Variants in SYT3 observed in about 807,000 individuals in gnomAD.
SYT3 encodes synaptotagmin-3.
In SYT3, 25 loss-of-function variants were observed where a neutral mutation model predicts 50.6. The ratio of observed to expected loss-of-function variants is 0.49; its 90% CI spans 0.36 to 0.69. The LOEUF is 0.69. SYT3 is among the 30% of genes least tolerant of loss of function. SYT3 has a pLI of 0.00. For synonymous variants in SYT3, 323 were observed against 353.9 expected, an observed-to-expected ratio of 0.91 and a Z score of 0.98; for missense variants, 589 against 793.6, an observed-to-expected ratio of 0.74 and a Z score of 3.10.
the SYT3 span, among the ~76,000 whole-genome samples, chr19:50,651,021 T>C: frequency 6.6e-6 from 1 of 152,256 alleles, no homozygotes; most frequent in Admixed American, 6.5e-5. Flanking sequence ...TTTGCAGCGT[T>C]GTGGAACCAA....
chr19:50,630,588 A>G (rs1984267604), intron 4 of SYT3, among the ~76,000 whole-genome samples: 1 of 151,932 alleles, frequency 6.6e-6, no homozygotes, highest in South Asian at 2.1e-4. Flanking sequence ...ATATCCGGCT[A>G]ATTTTTATAT....
At position 50,632,007 on chromosome 19, in the gene SYT3, T is replaced by G. The variant is rs1984323566; in HGVS notation, c.674+279A>C. On this transcript the variant is annotated intron_variant, in intron 4 of 10. Transcript: ENST00000600079. This position sits in a 1 kb window ranked among gnomAD's most constrained non-coding sequence, Gnocchi z 4.7. ...GGATCCAACCTTATTCTCCTCTACT[T>G]TCCTGTCCTAAGTCCTGCCCCCAGT... is the stretch of plus-strand genomic sequence containing the variant. 6.6e-6 allele frequency among the ~76,000 whole-genome samples: 1 copy of G among 151,984 alleles called. No individual in the cohort carries two copies. The highest frequency in any genetic ancestry group is 1.5e-5 in the Non-Finnish European group (1 of 67,964).
Position 50,625,676 on chromosome 19 carries a change from G to A in SYT3, c.1403-112C>T. 7.1e-7 allele frequency: 1 copy of A among 1,415,780 alleles called. No homozygotes were observed. The highest frequency in any genetic ancestry group is 9.4e-7 in the Non-Finnish European group (1 of 1,066,712). The allele number at this position is 1,415,780 out of a possible 1,614,324, so 87.7% of individuals were successfully genotyped here. A position where few individuals can be genotyped will look rare whatever the true frequency, so the allele number is the denominator to read the frequency against. On this transcript the variant is annotated intron_variant, in intron 7 of 10. Transcript: ENST00000600079. This position sits in a 1 kb window ranked among gnomAD's most constrained non-coding sequence, Gnocchi z 7.5. ...CAGACCCAGAGGTCCGGGGCCCCAG[G>A]CCCCCAGTCCCTCCTTCCTCAGGCC...
In SYT3 at chr19:50,637,227, A is replaced by G; in HGVS notation, c.148+37T>C. The G allele has an allele frequency of 2.5e-6, 4 of 1,602,494 alleles. No individual in the cohort carries two copies. Among genetic ancestry groups the G allele is most frequent in the Non-Finnish European group, 3.4e-6 (4 of 1,172,094 alleles). ...GCTCCGAGTCTCCTGGCCATAGTGC[A>G]AGCAGGGGGCTGGCCAAGACAGGCA... On this transcript the variant is annotated intron_variant, in intron 3 of 10. Coordinates refer to ENST00000600079, the MANE Select transcript of SYT3 (RefSeq NM_001160329.2). This position sits in a 1 kb window ranked among gnomAD's most constrained non-coding sequence, Gnocchi z 4.9.
rs201091203 is a variant in SYT3, at chr19:50,625,961, C to A, written c.1338G>T (p.Gly446=). 1.2e-6 allele frequency: 2 copies of A among 1,614,156 alleles called. No homozygotes were observed. The highest frequency in any genetic ancestry group is 1.7e-5 in the Admixed American group (1 of 60,030). Residue 446 remains glycine, a synonymous_variant, in exon 7 of 11, where the codon GGG becomes GGT. Transcript: ENST00000600079. The surrounding 1 kb of genome is among the most constrained non-coding windows in gnomAD (Gnocchi z 7.5). The part of the protein sequence containing the change: ...NFSLCYLPTA[G]RLTVTIIKAS... ...CTTTGATGATGGTCACGGTGAGGCGCCCGGCCGTGGGGAGGTAGCAGAGTG... is the reference window on the plus strand; with the variant it reads ...CTTTGATGATGGTCACGGTGAGGCGACCGGCCGTGGGGAGGTAGCAGAGTG...
rs1194580799 is a variant in SYT3 at position 50,639,287 on chromosome 19, G to A, written c.-153-125C>T. On this transcript the variant is annotated intron_variant, in intron 1 of 10. Coordinates refer to ENST00000600079, the MANE Select transcript of SYT3 (RefSeq NM_001160329.2). This position sits in a 1 kb window ranked among gnomAD's most constrained non-coding sequence, Gnocchi z 4.6. Reference sequence around the variant, plus strand: ...TCCCACCTCCGGGCCCCCAGCTCCCGTTGAGGGCTTAGAGACTACAATTCC... The same window carrying A: ...TCCCACCTCCGGGCCCCCAGCTCCCATTGAGGGCTTAGAGACTACAATTCC... 3 of 152,168 alleles carry A rather than the reference G, an allele frequency of 2.0e-5. No individual in the cohort carries two copies. Among genetic ancestry groups the A allele is most frequent in the East Asian group, 1.9e-4 (1 of 5,174 alleles). The allele number at this position is 152,168 out of a possible 1,614,324, so 9.4% of individuals were successfully genotyped here. A position where few individuals can be genotyped will look rare whatever the true frequency, so the allele number is the denominator to read the frequency against.
At chr19:50,648,401 A>AAAGAGG in the SYT3 span, among the ~76,000 whole-genome samples, 1 of 152,244 alleles carries the variant, frequency 6.6e-6, no homozygotes, top group South Asian at 2.1e-4. Context: ...GGATGTGGAG[A>AAAGAGG]AAGAGGAAGA....
chr19:50,629,335 G>C lies in SYT3; in HGVS notation c.1240C>G (p.Pro414Ala). 6.2e-7 allele frequency: 1 copy of C among 1,612,902 alleles called. No individual in the cohort carries two copies. Among genetic ancestry groups the C allele is most frequent in the South Asian group, 1.1e-5 (1 of 90,868 alleles). The change falls in exon 6 of 11, where the codon CCT (proline) becomes GCT (alanine). Residue 414 changes from proline to alanine, a missense_variant. Pro to Ala is a conservative substitution (Grantham distance 27). This residue lies in a region of SYT3 where 273 missense variants were observed against 439.3 expected (regional missense o/e 0.62). Coordinates refer to ENST00000600079, the MANE Select transcript of SYT3 (RefSeq NM_001160329.2). ...DNLLELAEQP[P>A]DRPLWRDIVE... ...ATGTCCCTCCAGAGCGGGCGGTCAG[G>C]GGGCTGCTCGGCCAGCTCCAGGAGG... is the stretch of plus-strand genomic sequence containing the variant.
chr19:50,626,874 A>C (rs930930634), intron 6 of SYT3, among the ~76,000 whole-genome samples: 5 of 151,804 alleles, frequency 3.3e-5, no homozygotes, highest in African/African-American at 1.2e-4. Flanking sequence ...AGTTACCTAG[A>C]ATTAGAGTGG....
At chr19:50,627,342 C>T (rs10409194) in intron 6 of SYT3, among the ~76,000 whole-genome samples, 98,114 of 152,064 alleles carry the variant, frequency 0.65, 33,327 homozygotes, top group Non-Finnish European at 0.75. Context: ...TGGCCCCTGA[C>T]ACAAGGCCCG....
chr19:50,635,973 C>T (rs1984483336), intron 3 of SYT3, among the ~76,000 whole-genome samples: 1 of 152,292 alleles, frequency 6.6e-6, no homozygotes, highest in East Asian at 1.9e-4. Context: ...CAGTTTCCAG[C>T]CAGGCGTGGT....
At chr19:50,636,701 T>C (rs1381064218) in intron 3 of SYT3, among the ~76,000 whole-genome samples, 1 of 152,190 alleles carries the variant, frequency 6.6e-6, no homozygotes, top group Non-Finnish European at 1.5e-5. Flanking sequence ...GATTATATGT[T>C]CCACAAAGGG....
At chr19:50,654,047 T>A in the SYT3 span, among the ~76,000 whole-genome samples, 2 of 152,068 alleles carry the variant, frequency 1.3e-5, no homozygotes, top group Non-Finnish European at 2.9e-5. Flanking sequence ...GGTGGTCTTG[T>A]TTTTGTCTCA....
the SYT3 span, among the ~76,000 whole-genome samples, chr19:50,653,725 C>T: frequency 4.0e-5 from 6 of 148,338 alleles, no homozygotes; most frequent in Admixed American, 3.3e-4. Context: ...CACACACACA[C>T]ACACACACAC....
chr19:50,645,856 G>A, the SYT3 span, among the ~76,000 whole-genome samples: 1 of 151,942 alleles, frequency 6.6e-6, no homozygotes, highest in Admixed American at 6.6e-5. Context: ...TTCCAGCCTG[G>A]GCCCTTGTCT....
the SYT3 span, among the ~76,000 whole-genome samples, chr19:50,651,184 A>G: frequency 1.3e-5 from 2 of 152,174 alleles, no homozygotes; most frequent in African/African-American, 4.8e-5. Context: ...CATCTCACAG[A>G]TCATTCATAG....
the SYT3 span, among the ~76,000 whole-genome samples, chr19:50,648,701 C>T: frequency 3.3e-5 from 5 of 152,294 alleles, no homozygotes; most frequent in South Asian, 4.1e-4. Context: ...CCTCCCCCTC[C>T]CTCTGGAGGC....
At chr19:50,636,588 C>T (rs911698399) in intron 3 of SYT3, among the ~76,000 whole-genome samples, 22 of 152,222 alleles carry the variant, frequency 1.4e-4, no homozygotes, top group African/African-American at 5.3e-4. Flanking sequence ...CAATGGCACT[C>T]ATAATGTTTC....
rs1862475 is a variant in SYT3, at chr19:50,639,588, G to C, written c.-154+202C>G. 0.28 allele frequency among the ~76,000 whole-genome samples: 42,403 copies of C among 151,526 alleles called. 6,945 individuals are homozygous for C. The highest frequency in any genetic ancestry group is 0.4 in the Middle Eastern group (117 of 292). ...CTGGGGATCGGTGGGCGAGGGGTGG[G>C]ATACACCCAGGTGTTTCGGGACCCC... On this transcript the variant is annotated intron_variant, in intron 1 of 10. Coordinates refer to ENST00000600079, the MANE Select transcript of SYT3 (RefSeq NM_001160329.2). The surrounding 1 kb of genome is among the most constrained non-coding windows in gnomAD (Gnocchi z 4.6).
Sources: allele counts gnomAD v4.1 joint callset (sites outside exome capture counted in the v4.1 genomes callset), GRCh38; gene constraint gnomAD v4.1.1; regional missense constraint gnomAD v4.1.1; non-coding constraint Gnocchi (gnomAD v3.1); transcripts MANE v1.5; gene names NCBI Gene and HGNC (gene_info 2026-07-23, HGNC 2026-07-21).